The following IL15RA variants were observed in gnomAD, a reference collection of about 807,000 sequenced individuals.
The protein encoded by IL15RA is interleukin-15 receptor subunit alpha.
Under a neutral mutation model 24.2 loss-of-function variants are expected in IL15RA, and 26 were observed. That is an observed-to-expected ratio of 1.07 (90% CI 0.79 to 1.49). The LOEUF (loss-of-function observed/expected upper bound fraction) is 1.49, where lower values mean the gene tolerates loss of function less well. IL15RA is among the 40% of genes most tolerant of loss of function. IL15RA has a pLI of 0.00. For missense variants in IL15RA, 354 were observed against 356.4 expected, an observed-to-expected ratio of 0.99 and a Z score of 0.05; for synonymous variants, 166 against 157.6, an observed-to-expected ratio of 1.05 and a Z score of -0.40.
rs1208971464 is a variant in IL15RA, at chr10:5,955,579, T to G, written c.692+800A>C. Among the ~76,000 whole-genome samples the G allele has an allele frequency of 6.6e-6, 1 of 152,038 alleles. No homozygotes were observed. The highest frequency in any genetic ancestry group is 1.5e-5 in the Non-Finnish European group (1 of 68,014). On this transcript the variant is annotated intron_variant, in intron 6 of 6. Transcript: ENST00000379977. The surrounding 1 kb of genome is among the most constrained non-coding windows in gnomAD (Gnocchi z 5.3). Reference sequence around the variant, plus strand: ...GCTAGAATGCCATTTGAGGCTTTAATCAAAGAATAATAATACTGCCTAAAG... The same window carrying G: ...GCTAGAATGCCATTTGAGGCTTTAAGCAAAGAATAATAATACTGCCTAAAG...
At chr10:5,949,612 A>T (rs1212052573), downstream of IL15RA, among the ~76,000 whole-genome samples, 3 of 152,118 alleles carry the variant, frequency 2.0e-5, no homozygotes, top group Non-Finnish European at 4.4e-5. The surrounding 1 kb of genome is among the most constrained non-coding windows in gnomAD (Gnocchi z 4.4). Flanking sequence ...CAGGGGGGTG[A>T]GCAGTGAGAA....
intron 1 of IL15RA, among the ~76,000 whole-genome samples, chr10:5,972,719 AT>A (rs1225306768): frequency 1.3e-5 from 2 of 152,224 alleles, no homozygotes; most frequent in African/African-American, 4.8e-5. Flanking sequence ...TAGTAAAAAA[AT>A]GAATCATATG....
rs1031517849 is a variant in IL15RA, at chr10:5,959,185, T to A, written c.616+569A>T. Among the ~76,000 whole-genome samples, 5 of 151,218 alleles carry A rather than the reference T, an allele frequency of 3.3e-5. No homozygotes were observed. The East Asian group carries it at 5.8e-4, about 18-fold the overall frequency. On this transcript the variant is annotated intron_variant, in intron 5 of 6. Coordinates refer to ENST00000379977, the MANE Select transcript of IL15RA (RefSeq NM_002189.4). The surrounding 1 kb of genome is among the most constrained non-coding windows in gnomAD (Gnocchi z 4.1). ...TTTTCTTTTTCTTTTTTTTTTTTTT[T>A]AATAGAGATGGGGTCTTGCTATGTT...
In IL15RA at chr10:5,961,776, G is replaced by A. The variant is rs1049066246; in HGVS notation, c.383-1209C>T. 1.3e-5 allele frequency among the ~76,000 whole-genome samples: 2 copies of A among 152,228 alleles called. No individual in the cohort carries two copies. The highest frequency in any genetic ancestry group is 1.9e-4 in the East Asian group (1 of 5,198). On this transcript the variant is annotated intron_variant, in intron 3 of 6. Transcript: ENST00000379977. This position sits in a 1 kb window ranked among gnomAD's most constrained non-coding sequence, Gnocchi z 5.2. ...ATGTGTCTTCCATTGTGACAGCCAC[G>A]GAATCTAGGAAACGTGAGGCCAAGC...
downstream of IL15RA, among the ~76,000 whole-genome samples, chr10:5,950,443 G>T (rs1348565054): frequency 2.6e-5 from 4 of 152,140 alleles, no homozygotes; most frequent in Non-Finnish European, 5.9e-5. The surrounding 1 kb of genome is among the most constrained non-coding windows in gnomAD (Gnocchi z 5.6). Context: ...CCAGCACCTG[G>T]CAGATGCTGA....
downstream of IL15RA, chr10:5,949,022 G>A (rs544348298): frequency 1.8e-5 from 6 of 337,366 alleles, no homozygotes; most frequent in South Asian, 1.4e-4. This position sits in a 1 kb window ranked among gnomAD's most constrained non-coding sequence, Gnocchi z 4.4. Context: ...ATGGCGCTGA[G>A]ATGAGTTTTC....
chr10:5,951,258 G>A (rs1833859097), downstream of IL15RA, among the ~76,000 whole-genome samples: 1 of 151,934 alleles, frequency 6.6e-6, no homozygotes, highest in South Asian at 2.1e-4. Flanking sequence ...TTGAGGCGGA[G>A]GTTGCAGTGA....
At position 5,960,534 on chromosome 10, in the gene IL15RA, G is replaced by A. The variant is rs759778003; in HGVS notation, c.416C>T (p.Thr139Ile). 1.1e-5 allele frequency: 18 copies of A among 1,614,176 alleles called. No homozygotes were observed. In the Admixed American group the frequency reaches 3.0e-4, roughly 27 times the overall value. Residue 139 changes from threonine to isoleucine, a missense_variant, in exon 4 of 7, where the codon ACA becomes ATA. Thr to Ile is a moderately conservative substitution (Grantham distance 89). Transcript: ENST00000379977. This position sits in a 1 kb window ranked among gnomAD's most constrained non-coding sequence, Gnocchi z 5.1. ...PAASSPSSNN[T>I]AATTAAIVPG... ...GACAATAGCTGCTGTTGTGGCCGCT[G>A]TGTTGTTTGAGCTGGGAGATGAAGC...
Position 5,958,473 on chromosome 10 carries a change from C to T in IL15RA, c.616+1281G>A. 3.9e-6 allele frequency: 1 copy of T among 253,920 alleles called. No homozygotes were observed. The highest frequency in any genetic ancestry group is 8.2e-6 in the Non-Finnish European group (1 of 121,870). 15.7% of individuals were successfully genotyped at this position (253,920 alleles called of 1,614,324 possible). On this transcript the variant is annotated intron_variant, in intron 5 of 6. Transcript: ENST00000379977. This position sits in a 1 kb window ranked among gnomAD's most constrained non-coding sequence, Gnocchi z 4.3. ...TGATCACAGCTCACTGCAACCTCTG[C>T]CTCCTGGGTTCCAGCAATTCTCCCA... is the stretch of plus-strand genomic sequence containing the variant.
chr10:5,978,577 T>C (rs1838778852), upstream of IL15RA, among the ~76,000 whole-genome samples: 1 of 152,140 alleles, frequency 6.6e-6, no homozygotes, highest in Non-Finnish European at 1.5e-5. This position sits in a 1 kb window ranked among gnomAD's most constrained non-coding sequence, Gnocchi z 5.2. Flanking sequence ...AACCTGCACT[T>C]ATAACCCTGA....
At chr10:5,956,163 C>T (rs1342248517) in intron 6 of IL15RA, among the ~76,000 whole-genome samples, 3 of 152,126 alleles carry the variant, frequency 2.0e-5, no homozygotes, top group Non-Finnish European at 4.4e-5. Context: ...TACAGGTGTG[C>T]ACCACCAAGC....
chr10:5,960,228 G>A lies in IL15RA; in HGVS notation c.583+139C>T, dbSNP rs1026734423. 1.2e-6 allele frequency: 1 copy of A among 808,784 alleles called. No homozygotes were observed. The highest frequency in any genetic ancestry group is 2.1e-5 in the Admixed American group (1 of 47,964). 50.1% of individuals were successfully genotyped at this position (808,784 alleles called of 1,614,324 possible). On this transcript the variant is annotated intron_variant, in intron 4 of 6. Coordinates refer to ENST00000379977, the MANE Select transcript of IL15RA (RefSeq NM_002189.4). This position sits in a 1 kb window ranked among gnomAD's most constrained non-coding sequence, Gnocchi z 5.1. ...GAGGTCAGGCCAGGACGCCGTGGCT[G>A]GTGGCCGGGGCCAGCAGGCTGCCCA...
Position 5,977,527 on chromosome 10 carries a change from G to A in IL15RA, c.-35C>T. On this transcript the variant is annotated 5_prime_UTR_variant, in exon 1 of 7. Coordinates refer to ENST00000379977, the MANE Select transcript of IL15RA (RefSeq NM_002189.4). Reference sequence around the variant, plus strand: ...TCCACAGGACACCGCTGGACTCCCCGGGCGAGCGCTGCCCAGGCCGGGGGG... The same window carrying A: ...TCCACAGGACACCGCTGGACTCCCCAGGCGAGCGCTGCCCAGGCCGGGGGG... 5.4e-6 allele frequency: 7 copies of A among 1,308,398 alleles called. No individual in the cohort carries two copies. Among genetic ancestry groups the A allele is most frequent in the Non-Finnish European group, 6.8e-6 (7 of 1,028,744 alleles). The allele number at this position is 1,308,398 out of a possible 1,614,324, so 81.0% of individuals were successfully genotyped here. A position where few individuals can be genotyped will look rare whatever the true frequency, so the allele number is the denominator to read the frequency against.
At position 5,958,302 on chromosome 10, in the gene IL15RA, G is replaced by A. The variant is rs1476111918; in HGVS notation, c.616+1452C>T. On this transcript the variant is annotated intron_variant, in intron 5 of 6. Transcript: ENST00000379977. The surrounding 1 kb of genome is among the most constrained non-coding windows in gnomAD (Gnocchi z 4.3). ...TATCCTCTATATGTTTATTTATACA[G>A]TCTCTCTGGAAGGATGCCTGGAAAT... is the stretch of plus-strand genomic sequence containing the variant. 6.6e-6 allele frequency: 3 copies of A among 454,222 alleles called. No individual in the cohort carries two copies. The highest frequency in any genetic ancestry group is 4.7e-5 in the Admixed American group (2 of 42,326). The allele number at this position is 454,222 out of a possible 1,614,324, so 28.1% of individuals were successfully genotyped here.
Position 5,960,925 on chromosome 10 carries a change from T to A in IL15RA, c.383-358A>T, listed in dbSNP as rs1174096814. Among the ~76,000 whole-genome samples the A allele has an allele frequency of 1.3e-5, 2 of 151,456 alleles. No homozygotes were observed. The highest frequency in any genetic ancestry group is 2.4e-5 in the African/African-American group (1 of 40,838). On this transcript the variant is annotated intron_variant, in intron 3 of 6. Coordinates refer to ENST00000379977, the MANE Select transcript of IL15RA (RefSeq NM_002189.4). This position sits in a 1 kb window ranked among gnomAD's most constrained non-coding sequence, Gnocchi z 5.1. ...AGCAAGACCCTGTTTCTTTTCCTTC[T>A]TTTTTTGAGATGGAATCTTGCTCTG...
chr10:5,977,136 G>T (rs1038790751), intron 1 of IL15RA: 8 of 319,256 alleles, frequency 2.5e-5, no homozygotes, highest in African/African-American at 1.7e-4. Flanking sequence ...CCTGACCTCG[G>T]CCTCGGAGAC....
At chr10:5,949,356 G>A (rs991413799), downstream of IL15RA, 19 of 470,902 alleles carry the variant, frequency 4.0e-5, no homozygotes, top group Non-Finnish European at 7.9e-5. The surrounding 1 kb of genome is among the most constrained non-coding windows in gnomAD (Gnocchi z 4.4). Flanking sequence ...GGGAAGTAAA[G>A]TGTCAATTAA....
At chr10:5,972,712 T>TA (rs1311254850) in intron 1 of IL15RA, among the ~76,000 whole-genome samples, 1 of 152,188 alleles carries the variant, frequency 6.6e-6, no homozygotes, top group Non-Finnish European at 1.5e-5. Flanking sequence ...CTTCTTCTAG[T>TA]AAAAAAATGA....
Position 5,953,543 on chromosome 10 carries a change from G to C in IL15RA, c.693-337C>G, listed in dbSNP as rs1190538209. 6.6e-6 allele frequency among the ~76,000 whole-genome samples: 1 copy of C among 152,056 alleles called. No homozygotes were observed. The highest frequency in any genetic ancestry group is 2.4e-5 in the African/African-American group (1 of 41,384). On this transcript the variant is annotated intron_variant, in intron 6 of 6. Transcript: ENST00000379977. The surrounding 1 kb of genome is among the most constrained non-coding windows in gnomAD (Gnocchi z 5.3). ...TATGATGAGAATAAATCCTCTCCAG[G>C]TATTTCCAACCTCCCCATCCACCAA...
Sources: gnomAD v4.1 joint callset for allele counts (sites outside exome capture counted in the v4.1 genomes callset) on GRCh38, gnomAD v4.1.1 for gene constraint, Gnocchi (gnomAD v3.1) non-coding constraint, MANE v1.5 for transcripts, NCBI Gene and HGNC (gene_info 2026-07-23, HGNC 2026-07-21) for gene names.